The following LIN54 variants were observed in gnomAD, a reference collection of about 807,000 sequenced individuals.
The protein encoded by LIN54 is protein lin-54 homolog.
A neutral mutation model predicts 78.7 loss-of-function variants in LIN54; 9 were observed. That is an observed-to-expected ratio of 0.11 (90% CI 0.07 to 0.20). The LOEUF (loss-of-function observed/expected upper bound fraction) is 0.20. Among genes scored for constraint, LIN54 ranks in the 10% least tolerant of loss-of-function variants. The pLI is 1.00. For synonymous variants in LIN54, 269 were observed against 318.4 expected, an observed-to-expected ratio of 0.84 and a Z score of 1.65; for missense variants, 573 against 889.9, an observed-to-expected ratio of 0.64 and a Z score of 4.53.
Position 82,981,413 on chromosome 4 carries a change from G to A in LIN54, c.685-2407C>T, listed in dbSNP as rs181187168. On this transcript the variant is annotated intron_variant, in intron 2 of 12. Coordinates refer to ENST00000340417, the MANE Select transcript of LIN54 (RefSeq NM_194282.4). ...TTCAAGATGGCCTCCATCTTCCACC[G>A]TTGCCTGCTATCTATACCCTAACAG... Among the ~76,000 whole-genome samples the A allele has an allele frequency of 2.9e-4, 44 of 151,890 alleles. 1 individual carries two copies. In the East Asian group the frequency reaches 5.8e-3, roughly 20 times the overall value.
upstream of LIN54, among the ~76,000 whole-genome samples, chr4:83,011,688 G>A (rs1366204973): frequency 6.6e-6 from 1 of 151,930 alleles, no homozygotes; most frequent in African/African-American, 2.4e-5. Flanking sequence ...TACTAGGTAG[G>A]TAAGAGTTAC....
At chr4:82,929,795 G>A (rs28720968) in intron 12 of LIN54, among the ~76,000 whole-genome samples, 64,026 of 151,922 alleles carry the variant, frequency 0.42, 16,689 homozygotes, top group Admixed American at 0.58. Flanking sequence ...AACAGAGTGA[G>A]ACTCTATCTC....
intron 4 of LIN54, among the ~76,000 whole-genome samples, chr4:82,953,773 A>G (rs984775774): frequency 6.6e-5 from 10 of 152,216 alleles, no homozygotes; most frequent in African/African-American, 2.4e-4. Context: ...AACATGGCAA[A>G]ACCCCATCTC....
Position 82,984,677 on chromosome 4 carries a change from A to T in LIN54, c.168T>A (p.Ser56=), listed in dbSNP as rs761525797. The T allele has an allele frequency of 1.9e-6, 3 of 1,614,112 alleles. No homozygotes were observed. The highest frequency in any genetic ancestry group is 1.7e-6 in the Non-Finnish European group (2 of 1,180,056). The change falls in exon 2 of 13, where the codon TCT becomes TCA. Residue 56 remains serine, a synonymous_variant. Transcript: ENST00000340417. ...EIVNINSTGD[S]TATPISTEPI... is the part of the protein sequence containing the mutation. ...GTTCCGTGGAAATGGGCGTGGCTGT[A>T]GAGTCACCAGTAGAATTTATGTTGA...
intron 3 of LIN54, among the ~76,000 whole-genome samples, chr4:82,974,724 G>A (rs1336060521): frequency 6.6e-6 from 1 of 152,004 alleles, no homozygotes; most frequent in African/African-American, 2.4e-5. Context: ...GCGACAGACT[G>A]AGACTCCATC....
At chr4:83,003,990 T>C (rs190293343) in intron 1 of LIN54, among the ~76,000 whole-genome samples, 10 of 148,430 alleles carry the variant, frequency 6.7e-5, no homozygotes, top group African/African-American at 2.2e-4. Flanking sequence ...ATAAATGACA[T>C]ATTTATGCCA....
At chr4:82,952,819 C>A (rs1360602465) in intron 4 of LIN54, among the ~76,000 whole-genome samples, 1 of 152,096 alleles carries the variant, frequency 6.6e-6, no homozygotes. Context: ...TGCTATAACA[C>A]CAATGGACCT....
At chr4:82,937,130 T>C (rs1207867098) in intron 9 of LIN54, 97 bp downstream of exon 9, 9 of 766,332 alleles carry the variant, frequency 1.2e-5, no homozygotes, top group African/African-American at 5.2e-5. Flanking sequence ...CTTAGACTTA[T>C]GAGCTTTGGT....
intron 8 of LIN54, 138 bp downstream of exon 8, chr4:82,938,275 T>C: frequency 1.9e-6 from 1 of 537,406 alleles, no homozygotes; most frequent in East Asian, 2.9e-5. Context: ...TTTGAAATAT[T>C]TCAACAAGTA....
intron 11 of LIN54, 23 bp from the exon 12 acceptor site, chr4:82,931,168 G>A: frequency 1.9e-6 from 3 of 1,606,072 alleles, no homozygotes; most frequent in Non-Finnish European, 2.6e-6. Context: ...CATAAGAAAA[G>A]TTTCCAAATC....
At chr4:83,005,501 C>CA (rs753958006) in intron 1 of LIN54, among the ~76,000 whole-genome samples, 11 of 151,790 alleles carry the variant, frequency 7.2e-5, no homozygotes, top group Non-Finnish European at 1.5e-4. Flanking sequence ...TGGTGGAGTG[C>CA]ACCTGTAGTC....
At chr4:82,957,652 T>C (rs1724437966) in intron 4 of LIN54, among the ~76,000 whole-genome samples, 1 of 152,208 alleles carries the variant, frequency 6.6e-6, no homozygotes, top group African/African-American at 2.4e-5. Flanking sequence ...ACCATACCCA[T>C]AGAAAACCTT....
At chr4:83,006,116 A>AACTGGGAACT (rs1553960220) in intron 1 of LIN54, among the ~76,000 whole-genome samples, 4 of 151,370 alleles carry the variant, frequency 2.6e-5, no homozygotes, top group Non-Finnish European at 5.9e-5. Flanking sequence ...CAACAATGGA[A>AACTGGGAACT]ACTGGGGACT....
At chr4:82,977,975 A>C (rs1726298439) in intron 3 of LIN54, among the ~76,000 whole-genome samples, 1 of 152,212 alleles carries the variant, frequency 6.6e-6, no homozygotes, top group Admixed American at 6.5e-5. Flanking sequence ...CTGGAAAAAG[A>C]CAATCAATGG....
chr4:82,940,606 T>C lies in LIN54; in HGVS notation c.1169-644A>G, dbSNP rs559518105. 1.2e-4 allele frequency among the ~76,000 whole-genome samples: 19 copies of C among 152,354 alleles called. No homozygotes were observed. In the South Asian group the frequency reaches 3.5e-3, roughly 28 times the overall value. Reference sequence around the variant, plus strand: ...CTGGGTTCTGCCATGTTGGCCAGGCTGAACCCAATGTCTCGAACTCCCGAC... The same window carrying C: ...CTGGGTTCTGCCATGTTGGCCAGGCCGAACCCAATGTCTCGAACTCCCGAC... On this transcript the variant is annotated intron_variant, in intron 5 of 12. Coordinates refer to ENST00000340417, the MANE Select transcript of LIN54 (RefSeq NM_194282.4).
At chr4:82,998,757 G>A (rs1439250716) in intron 1 of LIN54, among the ~76,000 whole-genome samples, 5 of 151,332 alleles carry the variant, frequency 3.3e-5, no homozygotes, top group Admixed American at 1.3e-4. Flanking sequence ...GTGGCAATTT[G>A]AAAAAACTCA....
intron 1 of LIN54, among the ~76,000 whole-genome samples, chr4:83,002,252 G>A: frequency 6.6e-6 from 1 of 151,786 alleles, no homozygotes; most frequent in Non-Finnish European, 1.5e-5. Flanking sequence ...TATTTTTAGA[G>A]AAATCAAGCA....
chr4:82,976,041 G>T (rs936067642), intron 3 of LIN54, among the ~76,000 whole-genome samples: 1 of 152,192 alleles, frequency 6.6e-6, no homozygotes, highest in Non-Finnish European at 1.5e-5. Context: ...CCATGTAAAA[G>T]GAACCTTGCC....
intron 4 of LIN54, among the ~76,000 whole-genome samples, chr4:82,959,833 T>C (rs934640422): frequency 2.0e-5 from 3 of 152,152 alleles, no homozygotes; most frequent in Admixed American, 6.5e-5. Flanking sequence ...AGGATTTTTA[T>C]TGTAATAATA....
Sources: allele counts gnomAD v4.1 joint callset (sites outside exome capture counted in the v4.1 genomes callset), GRCh38; gene constraint gnomAD v4.1.1; transcripts MANE v1.5; gene names NCBI Gene and HGNC (gene_info 2026-07-23, HGNC 2026-07-21).